The following NRXN2 variants were observed in gnomAD, a reference collection of about 807,000 sequenced individuals.
NRXN2 encodes neurexin 2.
NRXN2 carries 29 observed loss-of-function variants against 128.8 expected under a neutral mutation model. That is an observed-to-expected ratio of 0.23 (90% confidence interval 0.17 to 0.31). NRXN2 has a LOEUF of 0.31. Among genes scored for constraint, NRXN2 ranks in the 10% least tolerant of loss-of-function variants. NRXN2 has a pLI of 1.00. For missense variants in NRXN2, 1,881 were observed against 2,452.6 expected, an observed-to-expected ratio of 0.77 and a Z score of 4.92; for synonymous variants, 1,098 against 1,075.2, an observed-to-expected ratio of 1.02 and a Z score of -0.41.
Position 64,607,541 on chromosome 11 carries a change from G to A in NRXN2, c.4794C>T (p.Pro1598=), listed in dbSNP as rs776987553. ...GGAAGCCGGGGGCTGAGGTCACGCC[G>A]GGGCGCAGGGGAGGGGGCCTCCGCG... is the stretch of plus-strand genomic sequence containing the variant. ...FEPRRPPPLR[P]GVTSAPGFPH... The change falls in exon 23 of 23, where the codon CCC becomes CCT. Residue 1598 remains proline, a synonymous_variant. Transcript: ENST00000265459. 12 of 1,556,936 alleles carry A rather than the reference G, an allele frequency of 7.7e-6. No homozygotes were observed. Among genetic ancestry groups the A allele is most frequent in the Admixed American group, 1.9e-5 (1 of 53,500 alleles).
chr11:64,641,452 C>T (rs1170282964), intron 17 of NRXN2, among the ~76,000 whole-genome samples: 1 of 151,686 alleles, frequency 6.6e-6, no homozygotes, highest in African/African-American at 2.4e-5. Flanking sequence ...AGTGATGGGG[C>T]TGACATGAGA....
At position 64,630,385 on chromosome 11, in the gene NRXN2, G is replaced by C. The variant is rs1347497200; in HGVS notation, c.3757+17C>G. The C allele has an allele frequency of 1.9e-6, 3 of 1,565,256 alleles. No homozygotes were observed. The highest frequency in any genetic ancestry group is 2.6e-6 in the Non-Finnish European group (3 of 1,152,426). On this transcript the variant is annotated intron_variant, in intron 19 of 22. Coordinates refer to ENST00000265459, the MANE Select transcript of NRXN2 (RefSeq NM_015080.4). The surrounding 1 kb of genome is among the most constrained non-coding windows in gnomAD (Gnocchi z 4.6). ...CGCCCCGCCACCGCGCCTCCTCCGC[G>C]GGCCCGCGCCGCCTACCTGCCGGGT...
At chr11:64,647,141 A>G (rs1463069349) in intron 17 of NRXN2, among the ~76,000 whole-genome samples, 2 of 151,844 alleles carry the variant, frequency 1.3e-5, no homozygotes, top group African/African-American at 4.8e-5. Flanking sequence ...TCTGCTATGA[A>G]CTACCTCCAG....
chr11:64,651,760 G>T lies in NRXN2; in HGVS notation c.2537-124C>A. ...AGTGACATCTTTAGAGATGTCCTCGGCTAGGCACTAGCAGCCAGCACAGCT... is the reference window on the plus strand; with the variant it reads ...AGTGACATCTTTAGAGATGTCCTCGTCTAGGCACTAGCAGCCAGCACAGCT... On this transcript the variant is annotated intron_variant, in intron 13 of 22. Coordinates refer to ENST00000265459, the MANE Select transcript of NRXN2 (RefSeq NM_015080.4). The surrounding 1 kb of genome is among the most constrained non-coding windows in gnomAD (Gnocchi z 5.9). 1 of 1,136,426 alleles carries T rather than the reference G, an allele frequency of 8.8e-7. No individual in the cohort carries two copies. The highest frequency in any genetic ancestry group is 1.3e-6 in the Non-Finnish European group (1 of 787,738). 70.4% of individuals were successfully genotyped at this position (1,136,426 alleles called of 1,614,324 possible).
chr11:64,709,876 C>T (rs2056722492), intron 2 of NRXN2, among the ~76,000 whole-genome samples: 1 of 151,540 alleles, frequency 6.6e-6, no homozygotes, highest in Non-Finnish European at 1.5e-5. Flanking sequence ...AGCTGGCGCC[C>T]GCCTTATATC....
intron 7 of NRXN2, among the ~76,000 whole-genome samples, chr11:64,674,728 A>G (rs1304268960): frequency 6.6e-6 from 1 of 152,222 alleles, no homozygotes; most frequent in Non-Finnish European, 1.5e-5. Context: ...TTGCTAGGGA[A>G]GAGAATCATT....
chr11:64,676,836 A>G (rs2051386532), intron 7 of NRXN2, 157 bp downstream of exon 7: 2 of 664,476 alleles, frequency 3.0e-6, no homozygotes, highest in East Asian at 2.7e-5. Context: ...AAACTAAAAG[A>G]GAAGCAAAAT....
In NRXN2 at chr11:64,635,594, C is replaced by T; in HGVS notation, c.3404-142G>A. ...TGTGATACCCACAGCAGCCACCAGCCCTGCCACCCCAGGGAGAAGTTGGCA... is the reference window on the plus strand; with the variant it reads ...TGTGATACCCACAGCAGCCACCAGCTCTGCCACCCCAGGGAGAAGTTGGCA... On this transcript the variant is annotated intron_variant, in intron 17 of 22. Transcript: ENST00000265459. The surrounding 1 kb of genome is among the most constrained non-coding windows in gnomAD (Gnocchi z 4.8). 1.1e-6 allele frequency: 1 copy of T among 940,082 alleles called. No individual in the cohort carries two copies. 58.2% of individuals were successfully genotyped at this position (940,082 alleles called of 1,614,324 possible).
chr11:64,653,726 G>T lies in NRXN2; in HGVS notation c.2390-4C>A, dbSNP rs770261768. 7.5e-6 allele frequency: 12 copies of T among 1,590,320 alleles called. No individual in the cohort carries two copies. The Middle Eastern group carries it at 5.0e-4, about 66-fold the overall frequency. ...GCGCAGCCGACGCGCAGGCAGTCTG[G>T]GGGGGCCATGGGGCGGGCAGAGGGG... On this transcript the variant is annotated splice_polypyrimidine_tract_variant and splice_region_variant and intron_variant, in intron 11 of 22. Transcript: ENST00000265459.
At chr11:64,620,787 G>A (rs996169306) in intron 21 of NRXN2, among the ~76,000 whole-genome samples, 1 of 150,344 alleles carries the variant, frequency 6.7e-6, no homozygotes, top group African/African-American at 2.5e-5. Flanking sequence ...GCCAGGCCCT[G>A]GAGGGTTTCC....
At chr11:64,671,876 G>A (rs1191698569) in intron 7 of NRXN2, among the ~76,000 whole-genome samples, 6 of 151,662 alleles carry the variant, frequency 4.0e-5, no homozygotes, top group Admixed American at 2.0e-4. Context: ...CCACCCATTC[G>A]CCACCGATCA....
Position 64,697,770 on chromosome 11 carries a change from C to T in NRXN2, c.748+5G>A, listed in dbSNP as rs1210009226. 3.7e-6 allele frequency: 6 copies of T among 1,613,878 alleles called. No homozygotes were observed. Among genetic ancestry groups the T allele is most frequent in the Non-Finnish European group, 5.1e-6 (6 of 1,179,872 alleles). On this transcript the variant is annotated splice_donor_5th_base_variant and intron_variant, in intron 3 of 22. Coordinates refer to ENST00000265459, the MANE Select transcript of NRXN2 (RefSeq NM_015080.4). ...CTACCCCAGTGACAGAGAGGCTTCA[C>T]TCACCTTCCATGGGGTGCTCCTCTG...
chr11:64,670,429 G>A (rs1300430544), intron 7 of NRXN2, among the ~76,000 whole-genome samples: 1 of 152,158 alleles, frequency 6.6e-6, no homozygotes, highest in Non-Finnish European at 1.5e-5. Context: ...CTGGAGAAAG[G>A]GAAGAAGGAA....
chr11:64,651,657 A>C lies in NRXN2; in HGVS notation c.2537-21T>G. On this transcript the variant is annotated intron_variant, in intron 13 of 22. Transcript: ENST00000265459. This position sits in a 1 kb window ranked among gnomAD's most constrained non-coding sequence, Gnocchi z 5.9. ...CTGTCCTGCTCAGGACAGGAGACCA[A>C]GATGAGGGGGATGGCTTTGGGGCAG... The C allele has an allele frequency of 6.2e-7, 1 of 1,612,608 alleles. No individual in the cohort carries two copies. The highest frequency in any genetic ancestry group is 2.2e-5 in the East Asian group (1 of 44,848).
At chr11:64,645,964 G>T (rs1271579105) in intron 17 of NRXN2, among the ~76,000 whole-genome samples, 5 of 152,164 alleles carry the variant, frequency 3.3e-5, no homozygotes, top group African/African-American at 1.2e-4. Flanking sequence ...GCCTGACCTT[G>T]TACATCACAG....
At chr11:64,709,246 C>T (rs2056660088) in intron 2 of NRXN2, among the ~76,000 whole-genome samples, 3 of 149,244 alleles carry the variant, frequency 2.0e-5, no homozygotes, top group African/African-American at 7.4e-5. Context: ...GGGAACCATT[C>T]ACAACAGATG....
At chr11:64,665,020 C>G (rs574367492) in intron 9 of NRXN2, among the ~76,000 whole-genome samples, 1 of 150,086 alleles carries the variant, frequency 6.7e-6, no homozygotes, top group African/African-American at 2.5e-5. Flanking sequence ...CGGTGGCTCA[C>G]GCCTGTAATC....
chr11:64,686,842 C>T (rs771525729), intron 5 of NRXN2, among the ~76,000 whole-genome samples: 4 of 152,206 alleles, frequency 2.6e-5, no homozygotes, highest in Non-Finnish European at 5.9e-5. Context: ...TCCACTGGCA[C>T]TTTTTAAGCA....
In NRXN2 at chr11:64,607,750, G is replaced by A; in HGVS notation, c.4585C>T (p.Pro1529Ser). 6.3e-7 allele frequency: 1 copy of A among 1,580,942 alleles called. No homozygotes were observed. The highest frequency in any genetic ancestry group is 2.3e-5 in the East Asian group (1 of 42,698). Residue 1529 changes from proline (P) to serine (S), a missense_variant, in exon 23 of 23, where the codon CCC (proline) becomes TCC (serine). Coordinates refer to ENST00000265459, the MANE Select transcript of NRXN2 (RefSeq NM_015080.4). ...LVTDRTTLLSPRKPAPRPNLR... is the reference protein window; with the variant it reads ...LVTDRTTLLSSRKPAPRPNLR... ...TTGGGCCGGGGAGCGGGTTTGCGGG[G>A]TGACAGGAGGGTGGTGCGGTCCGTG...
Sources: gnomAD v4.1 joint callset for allele counts (sites outside exome capture counted in the v4.1 genomes callset) on GRCh38, gnomAD v4.1.1 for gene constraint, Gnocchi (gnomAD v3.1) non-coding constraint, MANE v1.5 for transcripts, NCBI Gene and HGNC (gene_info 2026-07-23, HGNC 2026-07-21) for gene names.